RALYL: variants seen among roughly 807,000 people sequenced by gnomAD.
RALYL encodes the protein RNA-binding Raly-like protein.
Under a neutral mutation model 35.1 loss-of-function variants are expected in RALYL, and 29 were observed. That is an observed-to-expected ratio of 0.83 (90% CI 0.61 to 1.13). The LOEUF (loss-of-function observed/expected upper bound fraction) is 1.13, where lower values mean the gene tolerates loss of function less well. RALYL is among the 50% of genes most tolerant of loss of function. The probability of loss-of-function intolerance (pLI) is 0.00; values close to 1 mark genes in which losing one functional copy is unlikely to be tolerated. For missense variants in RALYL, 359 were observed against 360.4 expected (o/e 1.00, Z 0.03); for synonymous variants, 120 against 127.6 (o/e 0.94, Z 0.40).
intron 4 of RALYL, among the ~76,000 whole-genome samples, chr8:84,819,247 A>G (rs1308408093): frequency 3.9e-5 from 6 of 152,158 alleles, no homozygotes; most frequent in Admixed American, 2.6e-4. Flanking sequence ...AGAGTACACA[A>G]AGTTTCCACA....
intron 1 of RALYL, among the ~76,000 whole-genome samples, chr8:84,241,412 G>T (rs1827841196): frequency 1.3e-5 from 2 of 152,098 alleles, no homozygotes; most frequent in Admixed American, 6.6e-5. Context: ...TGCTTGGTGT[G>T]GCGGCTGGAG....
intron 2 of RALYL, among the ~76,000 whole-genome samples, chr8:84,729,160 G>C (rs573557446): frequency 1.3e-5 from 2 of 152,008 alleles, no homozygotes; most frequent in Non-Finnish European, 2.9e-5. Context: ...TTGAGCAGTG[G>C]TTTGTAGTTC....
intron 2 of RALYL, among the ~76,000 whole-genome samples, chr8:84,551,664 G>A (rs1234158973): frequency 6.6e-6 from 1 of 152,078 alleles, no homozygotes; most frequent in African/African-American, 2.4e-5. Flanking sequence ...TAATAGCAGT[G>A]AGGGATTATG....
intron 3 of RALYL, among the ~76,000 whole-genome samples, chr8:84,780,803 T>G (rs1489564481): frequency 6.6e-6 from 1 of 152,218 alleles, no homozygotes; most frequent in East Asian, 1.9e-4. Flanking sequence ...TCATTATGAT[T>G]ATTCAAAGAA....
At chr8:84,448,961 C>T (rs2049141849) in intron 1 of RALYL, among the ~76,000 whole-genome samples, 1 of 151,932 alleles carries the variant, frequency 6.6e-6, no homozygotes, top group East Asian at 1.9e-4. Flanking sequence ...AACTTTTATC[C>T]TCAGGTGTCA....
chr8:84,408,163 A>C (rs755997854), intron 1 of RALYL, among the ~76,000 whole-genome samples: 1 of 152,162 alleles, frequency 6.6e-6, no homozygotes, highest in Non-Finnish European at 1.5e-5. Context: ...TGTCATCCAC[A>C]TGGGATTAAA....
At chr8:84,615,570 C>CCT (rs1819331653) in intron 2 of RALYL, among the ~76,000 whole-genome samples, 2 of 67,364 alleles carry the variant, frequency 3.0e-5, no homozygotes, top group African/African-American at 1.3e-4. Flanking sequence ...GAACTTTCGT[C>CCT]TTTTTTTTTT....
intron 2 of RALYL, among the ~76,000 whole-genome samples, chr8:84,703,074 C>T (rs886673656): frequency 1.3e-5 from 2 of 152,042 alleles, no homozygotes; most frequent in African/African-American, 4.8e-5. Flanking sequence ...TCCTACTTTT[C>T]GGAATGAAGG....
At chr8:84,213,394 TCAA>T (rs1036803833) in intron 1 of RALYL, among the ~76,000 whole-genome samples, 17 of 152,206 alleles carry the variant, frequency 1.1e-4, no homozygotes, top group African/African-American at 3.9e-4. Context: ...AGACTCCATC[TCAA>T]CAACAACAAA....
At chr8:84,898,205 A>C (rs1845081327) in intron 8 of RALYL, among the ~76,000 whole-genome samples, 1 of 152,206 alleles carries the variant, frequency 6.6e-6, no homozygotes, top group African/African-American at 2.4e-5. Flanking sequence ...CTCAGGCTCT[A>C]ACCCAGGCTT....
chr8:84,404,601 G>A (rs1352623403), intron 1 of RALYL, among the ~76,000 whole-genome samples: 5 of 151,466 alleles, frequency 3.3e-5, no homozygotes, highest in African/African-American at 7.3e-5. Context: ...TTTTTCCATC[G>A]ATGTTCATCA....
chr8:84,634,320 CT>C (rs1464330755), intron 2 of RALYL, among the ~76,000 whole-genome samples: 1 of 151,834 alleles, frequency 6.6e-6, no homozygotes, highest in African/African-American at 2.4e-5. Flanking sequence ...TTGTGTCTGC[CT>C]TTCAAAGGCC....
At chr8:84,710,898 A>G (rs965236616) in intron 2 of RALYL, among the ~76,000 whole-genome samples, 4 of 152,174 alleles carry the variant, frequency 2.6e-5, no homozygotes, top group Non-Finnish European at 5.9e-5. Flanking sequence ...GATGACACAC[A>G]AATAAATATG....
intron 1 of RALYL, among the ~76,000 whole-genome samples, chr8:84,301,064 G>T (rs1840681410): frequency 6.6e-6 from 1 of 151,942 alleles, no homozygotes; most frequent in African/African-American, 2.4e-5. Context: ...TACCTCTTAT[G>T]AGGCAGGTCT....
intron 2 of RALYL, among the ~76,000 whole-genome samples, chr8:84,543,978 C>CACCT (rs1333849666): frequency 6.6e-6 from 1 of 152,012 alleles, no homozygotes; most frequent in Non-Finnish European, 1.5e-5. Context: ...TCCCACAATA[C>CACCT]ACCTATAAGT....
chr8:84,191,533 G>A (rs1026259439), intron 1 of RALYL, among the ~76,000 whole-genome samples: 3 of 152,032 alleles, frequency 2.0e-5, no homozygotes, highest in African/African-American at 7.2e-5. Context: ...CCTAGAATTG[G>A]CTGATTCTAA....
At chr8:84,284,801 T>G (rs993577110) in intron 1 of RALYL, among the ~76,000 whole-genome samples, 1 of 152,236 alleles carries the variant, frequency 6.6e-6, no homozygotes, top group African/African-American at 2.4e-5. Context: ...GGCCAAGCTC[T>G]TTCTAACTAG....
chr8:84,330,440 A>T (rs1408850205), intron 1 of RALYL, among the ~76,000 whole-genome samples: 1 of 152,108 alleles, frequency 6.6e-6, no homozygotes, highest in African/African-American at 2.4e-5. Flanking sequence ...TTTGCTCATC[A>T]TAGCATTGTT....
At chr8:84,470,507 C>T (rs1361523335) in intron 1 of RALYL, among the ~76,000 whole-genome samples, 1 of 150,698 alleles carries the variant, frequency 6.6e-6, no homozygotes, top group African/African-American at 2.4e-5. Context: ...CCTTTTTGAG[C>T]TGAACAAGAA....
Sources: allele counts gnomAD v4.1 joint callset (sites outside exome capture counted in the v4.1 genomes callset), GRCh38; gene constraint gnomAD v4.1.1; transcripts MANE v1.5; gene names NCBI Gene and HGNC (gene_info 2026-07-23, HGNC 2026-07-21).